PODXL2: variants seen among roughly 807,000 people sequenced by gnomAD.
PODXL2 encodes podocalyxin like 2, also known as podocalyxin-like protein 2.
Under a neutral mutation model 53.4 loss-of-function variants are expected in PODXL2, and 17 were observed. The ratio of observed to expected loss-of-function variants is 0.32; its 90% CI spans 0.22 to 0.48. The LOEUF is 0.48. Among genes scored for constraint, PODXL2 ranks in the 20% least tolerant of loss-of-function variants. The probability of loss-of-function intolerance (pLI) is 0.99; values close to 1 mark genes in which losing one functional copy is unlikely to be tolerated. For synonymous variants in PODXL2, 311 were observed against 306.7 expected (o/e 1.01, Z -0.15); for missense variants, 673 against 760.0 (o/e 0.89, Z 1.35).
chr3:127,654,135 A>ATGTCTCTTT (rs1447189138), intron 2 of PODXL2, among the ~76,000 whole-genome samples: 1 of 152,138 alleles, frequency 6.6e-6, no homozygotes, highest in Non-Finnish European at 1.5e-5. Context: ...TTTAGTCCGC[A>ATGTCTCTTT]TGTCTCTTTT....
At chr3:127,651,442 C>G (rs73861557) in intron 2 of PODXL2, among the ~76,000 whole-genome samples, 24 of 152,366 alleles carry the variant, frequency 1.6e-4, no homozygotes, top group African/African-American at 5.8e-4. Context: ...CTAGCAGGTG[C>G]TGCTCACTTA....
At chr3:127,661,600 C>G (rs755988456) in intron 3 of PODXL2, among the ~76,000 whole-genome samples, 1 of 152,078 alleles carries the variant, frequency 6.6e-6, no homozygotes, top group Non-Finnish European at 1.5e-5. Context: ...CCATGCCTGG[C>G]TAATTTTTGT....
At chr3:127,655,205 A>T (rs1272309765) in intron 2 of PODXL2, among the ~76,000 whole-genome samples, 1 of 152,034 alleles carries the variant, frequency 6.6e-6, no homozygotes, top group Admixed American at 6.5e-5. Context: ...TTGGCCTCCC[A>T]AAGTACTGGG....
In PODXL2 at chr3:127,672,384, C is replaced by A; in HGVS notation, c.1722C>A (p.Gly574=). ...AGAAGCACCCCAGCCTGAACGGCGG[C>A]GGGGCCCTCAACGGCCCGGGGAGCT... is the stretch of plus-strand genomic sequence containing the variant. ...MQEKHPSLNG[G]GALNGPGSWG... The change falls in exon 8 of 8, where the codon GGC becomes GGA. Residue 574 remains glycine, a synonymous_variant. Coordinates refer to ENST00000342480, the MANE Select transcript of PODXL2 (RefSeq NM_015720.4). 1 of 1,545,662 alleles carries A rather than the reference C, an allele frequency of 6.5e-7. No individual in the cohort carries two copies. Among genetic ancestry groups the A allele is most frequent in the Non-Finnish European group, 8.7e-7 (1 of 1,146,350 alleles).
intron 1 of PODXL2, among the ~76,000 whole-genome samples, chr3:127,637,350 A>G (rs964149082): frequency 3.3e-5 from 5 of 152,162 alleles, no homozygotes; most frequent in Admixed American, 3.3e-4. Context: ...AATGTATTTG[A>G]AGATACCATG....
chr3:127,651,100 A>T (rs2074686258), intron 2 of PODXL2, among the ~76,000 whole-genome samples: 1 of 152,164 alleles, frequency 6.6e-6, no homozygotes. Flanking sequence ...CCCCATCTCT[A>T]CTAAAATACG....
intron 1 of PODXL2, among the ~76,000 whole-genome samples, 171 bp from the exon 2 acceptor site, chr3:127,639,074 T>C (rs907218632): frequency 1.3e-5 from 2 of 152,260 alleles, no homozygotes; most frequent in African/African-American, 4.8e-5. Context: ...TTGGCCTTTT[T>C]GAAATGAAAA....
intron 2 of PODXL2, among the ~76,000 whole-genome samples, chr3:127,642,469 A>G (rs73861545): frequency 0.026 from 4,025 of 152,168 alleles, 123 homozygotes; most frequent in East Asian, 0.093. Context: ...ATCTGTGGCT[A>G]GCAACAGCTG....
chr3:127,672,703 G>A lies in PODXL2; in HGVS notation c.*223G>A. 5 of 441,358 alleles carry A rather than the reference G, an allele frequency of 1.1e-5. No homozygotes were observed. Among genetic ancestry groups the A allele is most frequent in the Non-Finnish European group, 2.0e-5 (5 of 254,836 alleles). 27.3% of individuals were successfully genotyped at this position (441,358 alleles called of 1,614,324 possible). ...AGGCCTCAAAGCCCGCCTTGGCCCC[G>A]CTTTCCCGCCCCTGAACCCCGGCCC... On this transcript the variant is annotated 3_prime_UTR_variant, in exon 8 of 8. Transcript: ENST00000342480.
chr3:127,644,460 T>A (rs2074640727), intron 2 of PODXL2, among the ~76,000 whole-genome samples: 1 of 152,196 alleles, frequency 6.6e-6, no homozygotes, highest in Admixed American at 6.5e-5. Flanking sequence ...TGGGTCTTTT[T>A]CTGGCCTTTC....
intron 6 of PODXL2, among the ~76,000 whole-genome samples, chr3:127,669,879 G>T (rs2074821059): frequency 6.6e-6 from 1 of 152,138 alleles, no homozygotes; most frequent in Non-Finnish European, 1.5e-5. Flanking sequence ...TTGCCTATGG[G>T]GTCCTTCTGT....
intron 2 of PODXL2, among the ~76,000 whole-genome samples, chr3:127,650,633 C>CT (rs1302519638): frequency 6.6e-6 from 1 of 152,218 alleles, no homozygotes; most frequent in East Asian, 1.9e-4. Flanking sequence ...TTGTAACACT[C>CT]TTTTTTGTTT....
intron 4 of PODXL2, among the ~76,000 whole-genome samples, chr3:127,668,101 CGTGTGTGTGTGTGTGTGT>C (rs55716588): frequency 1.0e-4 from 15 of 145,854 alleles, no homozygotes; most frequent in East Asian, 4.1e-4. Flanking sequence ...TACATGGCTG[CGTGTGTGTGTGTGTGTGT>C]GTGTGTGTGT....
At chr3:127,638,244 T>G (rs2074590620) in intron 1 of PODXL2, among the ~76,000 whole-genome samples, 1 of 152,224 alleles carries the variant, frequency 6.6e-6, no homozygotes, top group Admixed American at 6.5e-5. Context: ...ATTCCTGTCC[T>G]TAAAGAATGA....
At chr3:127,646,233 C>T (rs1421442668) in intron 2 of PODXL2, among the ~76,000 whole-genome samples, 1 of 152,112 alleles carries the variant, frequency 6.6e-6, no homozygotes, top group Non-Finnish European at 1.5e-5. Context: ...GAATTTACAG[C>T]CCAGCAAGTA....
rs574633296 is a variant in PODXL2, at chr3:127,672,018, G to A, written c.1606-250G>A. Reference sequence around the variant, plus strand: ...CCTAGCGATGCTCCCTGCCCACCTCGCAAGTGGAGTCTTCTTAGGGGGCTG... The same window carrying A: ...CCTAGCGATGCTCCCTGCCCACCTCACAAGTGGAGTCTTCTTAGGGGGCTG... On this transcript the variant is annotated intron_variant, in intron 7 of 7. Transcript: ENST00000342480. Among the ~76,000 whole-genome samples the A allele has an allele frequency of 3.9e-5, 6 of 152,366 alleles. No homozygotes were observed. In the South Asian group the frequency reaches 1.2e-3, roughly 32 times the overall value.
chr3:127,630,907 G>A (rs949646446), intron 1 of PODXL2, among the ~76,000 whole-genome samples: 3 of 152,184 alleles, frequency 2.0e-5, no homozygotes, highest in Admixed American at 6.5e-5. Flanking sequence ...ACCAGAACTG[G>A]CCAGCAACGT....
intron 2 of PODXL2, among the ~76,000 whole-genome samples, chr3:127,645,862 G>A (rs928627319): frequency 5.3e-5 from 8 of 152,214 alleles, no homozygotes; most frequent in East Asian, 1.9e-4. Context: ...CTGTCTAGGG[G>A]TTCTTGGGGA....
rs776692236 is a variant in PODXL2, at chr3:127,661,020, C to T, written c.992C>T (p.Ser331Leu). 29 of 1,614,108 alleles carry T rather than the reference C, an allele frequency of 1.8e-5. No individual in the cohort carries two copies. The Admixed American group carries it at 3.8e-4, about 21-fold the overall frequency. ...GAAGATCCCCTTGGCTCTAGAACCT[C>T]AGCCTCTTCCCCACTGGCCCCTGGA... ...PDEDPLGSRT[S>L]ASSPLAPGDM... Residue 331 changes from serine (S) to leucine (L), a missense_variant, in exon 3 of 8, where the codon TCA (serine) becomes TTA (leucine). Around this residue, in one of 3 missense-constraint regions of PODXL2, gnomAD observed 588 missense variants for 668.3 expected, o/e 0.88. Coordinates refer to ENST00000342480, the MANE Select transcript of PODXL2 (RefSeq NM_015720.4).
Sources: allele counts gnomAD v4.1 joint callset (sites outside exome capture counted in the v4.1 genomes callset), GRCh38; gene constraint gnomAD v4.1.1; regional missense constraint gnomAD v4.1.1; transcripts MANE v1.5; gene names NCBI Gene and HGNC (gene_info 2026-07-23, HGNC 2026-07-21).